Variants in SLC9A9 observed in about 807,000 individuals in gnomAD.
The protein encoded by SLC9A9 is solute carrier family 9 member A9, also known as sodium/hydrogen exchanger 9.
In SLC9A9, 62 loss-of-function variants were observed where a neutral mutation model predicts 77.8. The ratio of observed to expected loss-of-function variants is 0.80; its 90% CI spans 0.65 to 0.98. The LOEUF is 0.98. Among genes scored for constraint, SLC9A9 ranks in the 50% least tolerant of loss-of-function variants. The probability of loss-of-function intolerance (pLI) is 0.00; values close to 1 mark genes in which losing one functional copy is unlikely to be tolerated. For missense variants in SLC9A9, 775 were observed against 774.9 expected (o/e 1.00, Z 0.00); for synonymous variants, 320 against 283.5 (o/e 1.13, Z -1.29).
intron 6 of SLC9A9, among the ~76,000 whole-genome samples, chr3:143,606,436 C>CTCTCTCTCTCTCTCTCTCTATA (rs1419410834): frequency 3.7e-5 from 2 of 54,188 alleles, no homozygotes; most frequent in African/African-American, 1.5e-4. Flanking sequence ...CTCTCTCTCT[C>CTCTCTCTCTCTCTCTCTCTATA]TATATATATA....
At chr3:143,517,745 T>C in intron 9 of SLC9A9, 2 of 1,598,066 alleles carry the variant, frequency 1.3e-6, no homozygotes, top group Non-Finnish European at 1.7e-6. Context: ...ACTTGGCTTC[T>C]GTAATTTGAC....
intron 4 of SLC9A9, among the ~76,000 whole-genome samples, chr3:143,758,407 T>C (rs1328340893): frequency 2.0e-5 from 3 of 152,162 alleles, no homozygotes; most frequent in Non-Finnish European, 2.9e-5. Context: ...GCTTTTCTTG[T>C]TTTCTTTTTT....
chr3:143,598,029 G>C (rs1039409287), intron 6 of SLC9A9, among the ~76,000 whole-genome samples: 44 of 152,118 alleles, frequency 2.9e-4, no homozygotes, highest in African/African-American at 9.9e-4. Flanking sequence ...GCAGACAAAA[G>C]GTTCTGTACC....
At chr3:143,315,106 A>C (rs2031160400) in intron 14 of SLC9A9, among the ~76,000 whole-genome samples, 1 of 152,240 alleles carries the variant, frequency 6.6e-6, no homozygotes, top group South Asian at 2.1e-4. Flanking sequence ...ATGGCATACA[A>C]TTGGGCAGTC....
chr3:143,301,299 A>C (rs1163507883), intron 14 of SLC9A9, among the ~76,000 whole-genome samples: 1 of 152,214 alleles, frequency 6.6e-6, no homozygotes, highest in Non-Finnish European at 1.5e-5. Flanking sequence ...ATAGTCTTCT[A>C]TCTCTCTCCC....
chr3:143,711,095 T>C (rs980164885), intron 4 of SLC9A9, among the ~76,000 whole-genome samples: 1 of 152,248 alleles, frequency 6.6e-6, no homozygotes, highest in Non-Finnish European at 1.5e-5. Context: ...TTGTGAGTGA[T>C]AAAAATCAAA....
chr3:143,473,744 G>C (rs1360229422), intron 11 of SLC9A9, among the ~76,000 whole-genome samples: 1 of 152,180 alleles, frequency 6.6e-6, no homozygotes, highest in East Asian at 1.9e-4. Flanking sequence ...GAAGTTTGGA[G>C]TTATATCTCC....
At chr3:143,464,475 GCC>G (rs1207154438) in intron 12 of SLC9A9, among the ~76,000 whole-genome samples, 1 of 152,112 alleles carries the variant, frequency 6.6e-6, no homozygotes, top group Non-Finnish European at 1.5e-5. Flanking sequence ...CCTATTTCCT[GCC>G]CACTGATCGG....
chr3:143,387,026 A>G (rs2033443164), intron 12 of SLC9A9, among the ~76,000 whole-genome samples: 1 of 152,122 alleles, frequency 6.6e-6, no homozygotes, highest in African/African-American at 2.4e-5. Flanking sequence ...TTTTCAGTAG[A>G]GATGGGGTTT....
intron 12 of SLC9A9, among the ~76,000 whole-genome samples, chr3:143,403,637 T>A (rs190021966): frequency 3.9e-4 from 60 of 152,356 alleles, no homozygotes; most frequent in Non-Finnish European, 6.3e-4. Context: ...GATAGTTTTT[T>A]AAGCATTTTA....
At chr3:143,657,861 T>A (rs2038917350) in intron 5 of SLC9A9, among the ~76,000 whole-genome samples, 1 of 152,184 alleles carries the variant, frequency 6.6e-6, no homozygotes, top group African/African-American at 2.4e-5. Flanking sequence ...TGGTAAATTT[T>A]TTTATTTATT....
intron 2 of SLC9A9, among the ~76,000 whole-genome samples, chr3:143,817,357 C>T (rs1397346155): frequency 6.6e-6 from 1 of 150,830 alleles, no homozygotes; most frequent in African/African-American, 2.4e-5. Flanking sequence ...ACCTTGTTAG[C>T]CAGGATGGTC....
At chr3:143,599,921 A>G (rs937100012) in intron 6 of SLC9A9, among the ~76,000 whole-genome samples, 1 of 152,222 alleles carries the variant, frequency 6.6e-6, no homozygotes, top group African/African-American at 2.4e-5. Flanking sequence ...GCACTTGTCC[A>G]ACATAAAGCA....
intron 12 of SLC9A9, among the ~76,000 whole-genome samples, chr3:143,464,638 A>T (rs2035253838): frequency 6.6e-6 from 1 of 152,168 alleles, no homozygotes; most frequent in African/African-American, 2.4e-5. Flanking sequence ...AGCGGTAGGA[A>T]GTCTAAACCA....
At position 143,269,799 on chromosome 3, in the gene SLC9A9, C is replaced by G. The variant is rs1204641463; in HGVS notation, c.1605-819G>C. On this transcript the variant is annotated intron_variant, in intron 14 of 15. Transcript: ENST00000316549. Reference sequence around the variant, plus strand: ...TTCACTTCATCAACTTTCCAAAAAGCTATAGTAAATAGGGAAAGGGAAAAA... The same window carrying G: ...TTCACTTCATCAACTTTCCAAAAAGGTATAGTAAATAGGGAAAGGGAAAAA... Among the ~76,000 whole-genome samples, 5 of 152,272 alleles carry G rather than the reference C, an allele frequency of 3.3e-5. No homozygotes were observed. In the East Asian group the frequency reaches 9.6e-4, roughly 29 times the overall value.
chr3:143,669,869 A>C (rs1413424792), intron 5 of SLC9A9, among the ~76,000 whole-genome samples: 1 of 152,148 alleles, frequency 6.6e-6, no homozygotes, highest in East Asian at 1.9e-4. Context: ...ATTTATGCAA[A>C]ATGTTTGGCA....
At chr3:143,844,917 C>G (rs1364053085) in intron 1 of SLC9A9, among the ~76,000 whole-genome samples, 2 of 151,874 alleles carry the variant, frequency 1.3e-5, no homozygotes, top group Non-Finnish European at 1.5e-5. Context: ...TATCACCATG[C>G]CCCCCTGCTC....
In SLC9A9 at chr3:143,798,951, G is replaced by A. The variant is rs866961964; in HGVS notation, c.379-2048C>T. The stretch of plus-strand genomic sequence containing the variant: ...GCTGCTCCTTGCCAGGCTGAGCCAG[G>A]TCTCAATTCTTCCTCAGCCTCTGCT... On this transcript the variant is annotated intron_variant, in intron 2 of 15. Coordinates refer to ENST00000316549, the MANE Select transcript of SLC9A9 (RefSeq NM_173653.4). Among the ~76,000 whole-genome samples, 10 of 152,092 alleles carry A rather than the reference G, an allele frequency of 6.6e-5. No homozygotes were observed. In the South Asian group the frequency reaches 1.2e-3, roughly 19 times the overall value.
chr3:143,797,838 T>G (rs1282892503), intron 2 of SLC9A9, among the ~76,000 whole-genome samples: 1 of 152,080 alleles, frequency 6.6e-6, no homozygotes, highest in East Asian at 1.9e-4. Flanking sequence ...CTCCCTTCAC[T>G]GACTCTCTTT....
Sources: allele counts gnomAD v4.1 joint callset (sites outside exome capture counted in the v4.1 genomes callset), GRCh38; gene constraint gnomAD v4.1.1; transcripts MANE v1.5; gene names NCBI Gene and HGNC (gene_info 2026-07-23, HGNC 2026-07-21).